Variants in AKAP6 observed in about 807,000 individuals in gnomAD.
AKAP6 encodes the protein A-kinase anchor protein 6.
A neutral mutation model predicts 188.5 loss-of-function variants in AKAP6; 58 were observed. That is an observed-to-expected ratio of 0.31 (90% CI 0.25 to 0.38). The LOEUF (loss-of-function observed/expected upper bound fraction) is 0.38, where lower values mean the gene tolerates loss of function less well. Among genes scored for constraint, AKAP6 ranks in the 10% least tolerant of loss-of-function variants. AKAP6 has a pLI of 1.00. For missense variants in AKAP6, 2,710 were observed against 2,740.0 expected (o/e 0.99, Z 0.24); for synonymous variants, 989 against 998.6 (o/e 0.99, Z 0.18).
At chr14:32,658,168 C>T (rs1888531218) in intron 7 of AKAP6, among the ~76,000 whole-genome samples, 1 of 152,066 alleles carries the variant, frequency 6.6e-6, no homozygotes, top group Non-Finnish European at 1.5e-5. Context: ...GATAATGCTA[C>T]TCTATATAGT....
At chr14:32,585,409 A>C (rs781644994) in intron 5 of AKAP6, among the ~76,000 whole-genome samples, 23 of 152,218 alleles carry the variant, frequency 1.5e-4, no homozygotes, top group Non-Finnish European at 3.1e-4. Context: ...AACCACATAG[A>C]AATAGCCTTG....
intron 9 of AKAP6, among the ~76,000 whole-genome samples, chr14:32,702,074 A>G (rs769855532): frequency 2.6e-5 from 4 of 152,298 alleles, no homozygotes; most frequent in Admixed American, 1.3e-4. Context: ...CAAGGTAAAA[A>G]TGTTCTAGAT....
chr14:32,758,683 A>C (rs2032431356), intron 11 of AKAP6, among the ~76,000 whole-genome samples: 1 of 152,188 alleles, frequency 6.6e-6, no homozygotes, highest in African/African-American at 2.4e-5. Flanking sequence ...CCATGAGCCG[A>C]GATCGCACCA....
At chr14:32,691,531 C>A (rs1270014200) in intron 8 of AKAP6, among the ~76,000 whole-genome samples, 3 of 152,082 alleles carry the variant, frequency 2.0e-5, no homozygotes, top group African/African-American at 7.2e-5. Flanking sequence ...AAAGCACCTA[C>A]AAAGAAATTC....
At chr14:32,570,454 T>C (rs935579911) in intron 4 of AKAP6, among the ~76,000 whole-genome samples, 3 of 152,056 alleles carry the variant, frequency 2.0e-5, no homozygotes, top group African/African-American at 7.2e-5. Flanking sequence ...TGTGGGGACT[T>C]TTAAAATCCA....
At chr14:32,518,370 A>C (rs1372272019) in intron 2 of AKAP6, among the ~76,000 whole-genome samples, 2 of 152,230 alleles carry the variant, frequency 1.3e-5, no homozygotes, top group Non-Finnish European at 2.9e-5. Flanking sequence ...AGAAGGCTTC[A>C]GAGGATCGGT....
intron 2 of AKAP6, among the ~76,000 whole-genome samples, chr14:32,488,660 G>A (rs1310007795): frequency 9.6e-5 from 2 of 20,940 alleles, no homozygotes; most frequent in Non-Finnish European, 1.4e-4. Flanking sequence ...CCCGGGTGGT[G>A]TAGGCACTGG....
chr14:32,788,615 C>T (rs1413971646), intron 12 of AKAP6, among the ~76,000 whole-genome samples: 6 of 152,052 alleles, frequency 3.9e-5, no homozygotes, highest in East Asian at 1.9e-4. Flanking sequence ...CGTGCAACCC[C>T]CCCCAGGAAA....
intron 1 of AKAP6, among the ~76,000 whole-genome samples, chr14:32,409,518 C>T (rs1381545518): frequency 6.6e-6 from 1 of 152,140 alleles, no homozygotes; most frequent in African/African-American, 2.4e-5. Flanking sequence ...AAACAGTAGC[C>T]CCTTATCCTT....
intron 13 of AKAP6, among the ~76,000 whole-genome samples, chr14:32,825,137 A>G (rs1268035109): frequency 4.6e-5 from 7 of 152,326 alleles, no homozygotes; most frequent in Middle Eastern, 3.4e-3. Context: ...CCAAATCGCA[A>G]TTATACTCCA....
intron 1 of AKAP6, among the ~76,000 whole-genome samples, chr14:32,409,848 C>T (rs1470176467): frequency 6.6e-6 from 1 of 152,146 alleles, no homozygotes; most frequent in Non-Finnish European, 1.5e-5. Context: ...TTACTCACTT[C>T]TCTTGATTAT....
intron 11 of AKAP6, among the ~76,000 whole-genome samples, chr14:32,741,592 GT>G (rs536824866): frequency 1.1e-4 from 17 of 151,834 alleles, no homozygotes; most frequent in Non-Finnish European, 2.5e-4. Context: ...ATTCTATCCA[GT>G]GCTTTTTCAG....
At chr14:32,472,734 T>C (rs138514219) in intron 2 of AKAP6, among the ~76,000 whole-genome samples, 1 of 152,174 alleles carries the variant, frequency 6.6e-6, no homozygotes, top group Non-Finnish European at 1.5e-5. Flanking sequence ...TTTAGTTCCC[T>C]CTTATGTCAG....
At chr14:32,376,263 C>G (rs966728701) in intron 1 of AKAP6, among the ~76,000 whole-genome samples, 3 of 152,244 alleles carry the variant, frequency 2.0e-5, no homozygotes, top group African/African-American at 7.2e-5. Context: ...AACTTCCCCT[C>G]AGAACTAGGG....
intron 1 of AKAP6, among the ~76,000 whole-genome samples, chr14:32,357,237 A>C (rs113537514): frequency 6.6e-6 from 1 of 152,216 alleles, no homozygotes; most frequent in African/African-American, 2.4e-5. Flanking sequence ...CTTCCATTCT[A>C]AATTTAGGAC....
At position 32,535,917 on chromosome 14, in the gene AKAP6, T is replaced by C. The variant is rs938820322; in HGVS notation, c.576+112T>C. 9.7e-6 allele frequency: 14 copies of C among 1,442,650 alleles called. No individual in the cohort carries two copies. The African/African-American group carries it at 1.6e-4, about 16-fold the overall frequency. The allele number at this position is 1,442,650 out of a possible 1,614,324, so 89.4% of individuals were successfully genotyped here. A position where few individuals can be genotyped will look rare whatever the true frequency, so the allele number is the denominator to read the frequency against. ...TCTTTGTAGGTAAATAAGCAGGCCC[T>C]GATGGGCTTTGAATCTAGGCATAGT... On this transcript the variant is annotated intron_variant, in intron 3 of 13. Coordinates refer to ENST00000280979, the MANE Select transcript of AKAP6 (RefSeq NM_004274.5).
At chr14:32,608,074 A>G (rs1886196004) in intron 7 of AKAP6, among the ~76,000 whole-genome samples, 2 of 152,198 alleles carry the variant, frequency 1.3e-5, no homozygotes, top group Admixed American at 6.5e-5. Flanking sequence ...TGCATATTAT[A>G]AGATGTATGG....
intron 10 of AKAP6, among the ~76,000 whole-genome samples, chr14:32,734,779 G>C (rs1205174820): frequency 6.6e-6 from 1 of 152,016 alleles, no homozygotes; most frequent in Non-Finnish European, 1.5e-5. Flanking sequence ...GTCTCCTAAA[G>C]ATACTATTTA....
intron 12 of AKAP6, among the ~76,000 whole-genome samples, chr14:32,803,287 A>G (rs559078275): frequency 2.9e-5 from 4 of 138,480 alleles, no homozygotes; most frequent in Non-Finnish European, 6.7e-5. Flanking sequence ...CTATAAAAAA[A>G]AAAACAAAAC....
Sources: gnomAD v4.1 joint callset for allele counts (sites outside exome capture counted in the v4.1 genomes callset) on GRCh38, gnomAD v4.1.1 for gene constraint, MANE v1.5 for transcripts, NCBI Gene and HGNC (gene_info 2026-07-23, HGNC 2026-07-21) for gene names.